The following FRY variants were observed in gnomAD, a reference collection of about 807,000 sequenced individuals.
FRY encodes the protein FRY microtubule binding protein, also known as protein furry homolog.
In FRY, 128 loss-of-function variants were observed where a neutral mutation model predicts 348.4. The ratio of observed to expected loss-of-function variants is 0.37; its 90% CI spans 0.32 to 0.43. FRY has a LOEUF of 0.43. FRY is among the 20% of genes least tolerant of loss of function. FRY has a pLI of 1.00. For synonymous variants in FRY, 1,370 were observed against 1,374.7 expected (o/e 1.00, Z 0.08); for missense variants, 2,736 against 3,695.2 (o/e 0.74, Z 6.73).
intron 53 of FRY, among the ~76,000 whole-genome samples, chr13:32,265,008 A>G (rs768946931): frequency 6.6e-6 from 1 of 152,336 alleles, no homozygotes; most frequent in Non-Finnish European, 1.5e-5. Context: ...GGTTTGGACA[A>G]TGGAAGGAGT....
intron 54 of FRY, among the ~76,000 whole-genome samples, chr13:32,266,065 A>G (rs1200717706): frequency 8.1e-6 from 1 of 123,392 alleles, no homozygotes; most frequent in African/African-American, 2.8e-5. Flanking sequence ...ATAGAAACAG[A>G]AAAAAAAAAT....
chr13:32,274,570 G>A (rs1888404143), intron 55 of FRY, among the ~76,000 whole-genome samples: 1 of 151,658 alleles, frequency 6.6e-6, no homozygotes, highest in South Asian at 2.1e-4. Flanking sequence ...CAGGCGTGGT[G>A]GCAGGCACCT....
At chr13:32,090,829 A>C (rs144083053) in intron 2 of FRY, among the ~76,000 whole-genome samples, 1,910 of 151,540 alleles carry the variant, frequency 0.013, 38 homozygotes, top group African/African-American at 0.044. Flanking sequence ...CAAATAATGG[A>C]TTTGTACTTA....
intron 11 of FRY, 141 bp downstream of exon 11, chr13:32,137,113 T>A: frequency 1.5e-6 from 1 of 667,732 alleles, no homozygotes; most frequent in East Asian, 2.7e-5. Flanking sequence ...AAAATATTAA[T>A]AAGAGTTCTT....
Position 32,173,582 on chromosome 13 carries a change from T to G in FRY, c.2334+33T>G, listed in dbSNP as rs759221602. 3 of 1,514,834 alleles carry G rather than the reference T, an allele frequency of 2.0e-6. No homozygotes were observed. The African/African-American group carries it at 4.2e-5, about 21-fold the overall frequency. 93.8% of individuals were successfully genotyped at this position (1,514,834 alleles called of 1,614,324 possible). A position where few individuals can be genotyped will look rare whatever the true frequency, so the allele number is the denominator to read the frequency against. On this transcript the variant is annotated intron_variant, in intron 19 of 60. Coordinates refer to ENST00000542859, the MANE Select transcript of FRY (RefSeq NM_023037.3). The stretch of plus-strand genomic sequence containing the variant: ...TTAGTCTTCTGAATTTTTCCATTTC[T>G]TACTTTCAACTCTTCTGAAATTTAG...
intron 25 of FRY, 89 bp from the exon 26 acceptor site, chr13:32,184,887 T>C (rs1882936907): frequency 1.7e-6 from 2 of 1,189,936 alleles, no homozygotes; most frequent in Admixed American, 3.4e-5. Flanking sequence ...AGTGTGTGAG[T>C]TGTGACAGTG....
chr13:32,273,265 A>C (rs1593834168), intron 55 of FRY, among the ~76,000 whole-genome samples: 1 of 132,220 alleles, frequency 7.6e-6, no homozygotes, highest in Non-Finnish European at 1.5e-5. Flanking sequence ...GCTGTCGCCC[A>C]GGCTGGAGTG....
chr13:32,239,291 T>G lies in FRY; in HGVS notation c.6458T>G (p.Ile2153Ser). Reference sequence around the variant, plus strand: ...GTCTTGTGTCTCCTGCCTCAGCTGATTCAGCATTTTGAAAATCCCAATCAG... The same window carrying G: ...GTCTTGTGTCTCCTGCCTCAGCTGAGTCAGCATTTTGAAAATCCCAATCAG... ...LNVLCLLPQL[I>S]QHFENPNQFC... is the part of the protein sequence containing the mutation. Residue 2153 changes from isoleucine (I) to serine (S), a missense_variant, in exon 45 of 61, where the codon ATT becomes AGT. Physicochemically the swap from Ile to Ser is moderately radical, Grantham distance 142. Coordinates refer to ENST00000542859, the MANE Select transcript of FRY (RefSeq NM_023037.3). This position sits in a 1 kb window ranked among gnomAD's most constrained non-coding sequence, Gnocchi z 4.3. The G allele has an allele frequency of 6.2e-7, 1 of 1,611,940 alleles. No individual in the cohort carries two copies. Among genetic ancestry groups the G allele is most frequent in the Non-Finnish European group, 8.5e-7 (1 of 1,178,006 alleles).
chr13:32,131,599 C>A, intron 7 of FRY, 73 bp from the exon 8 acceptor site: 1 of 1,004,470 alleles, frequency 1.0e-6, no homozygotes, highest in Non-Finnish European at 1.6e-6. Context: ...CAATCACTCC[C>A]AGATGCTGGA....
At chr13:32,218,709 A>G (rs761774462) in intron 35 of FRY, 40 bp from the exon 36 acceptor site, 1 of 1,023,686 alleles carries the variant, frequency 9.8e-7, no homozygotes, top group South Asian at 1.3e-5. Flanking sequence ...GCATATGCAC[A>G]CATGTTAATA....
rs184364912 is a variant in FRY at position 32,139,772 on chromosome 13, T to C, written c.1179+2800T>C. On this transcript the variant is annotated intron_variant, in intron 11 of 60. Transcript: ENST00000542859. ...GTCCGTGGTGACCAATACTTTTTTC[T>C]TCTATGTATTTTATGTCAGAATCTG... Among the ~76,000 whole-genome samples, 204 of 152,324 alleles carry C rather than the reference T, an allele frequency of 1.3e-3. 2 individuals are homozygous for C. The highest frequency in any genetic ancestry group is 2.0e-3 in the Non-Finnish European group (137 of 68,012).
chr13:32,116,684 C>G (rs1043402441), intron 3 of FRY, among the ~76,000 whole-genome samples: 7 of 151,876 alleles, frequency 4.6e-5, no homozygotes, highest in Non-Finnish European at 1.0e-4. Context: ...TTATAGTAAT[C>G]AGTTAAAAAA....
At chr13:32,139,378 C>A (rs188898095) in intron 11 of FRY, among the ~76,000 whole-genome samples, 65 of 152,332 alleles carry the variant, frequency 4.3e-4, no homozygotes, top group African/African-American at 1.4e-3. Context: ...GCCACAGATG[C>A]TTCAGGATAG....
intron 48 of FRY, among the ~76,000 whole-genome samples, chr13:32,248,484 A>G (rs1239642196): frequency 6.6e-6 from 1 of 152,086 alleles, no homozygotes; most frequent in Non-Finnish European, 1.5e-5. Context: ...CTACCTGTGT[A>G]AGAAACCTGC....
At chr13:32,219,424 G>A (rs1312801739) in intron 36 of FRY, among the ~76,000 whole-genome samples, 1 of 147,730 alleles carries the variant, frequency 6.8e-6, no homozygotes, top group Non-Finnish European at 1.5e-5. Context: ...TCTTGGTGAT[G>A]CAGCTGGGGA....
At chr13:32,236,993 G>T (rs1006026577) in intron 43 of FRY, among the ~76,000 whole-genome samples, 2 of 152,024 alleles carry the variant, frequency 1.3e-5, no homozygotes, top group African/African-American at 4.8e-5. Context: ...CTTCTTTCTG[G>T]ATAGCATAAT....
Position 32,294,556 on chromosome 13 carries a change from G to C in FRY, c.8769G>C (p.Gln2923His). The C allele has an allele frequency of 6.2e-7, 1 of 1,613,718 alleles. No individual in the cohort carries two copies. Reference protein sequence around the residue: ...KNNELGKALRQIRECRSLWPN... With the variant: ...KNNELGKALRHIRECRSLWPN... Reference sequence around the variant, plus strand: ...ACGAACTCGGCAAAGCTTTGCGGCAGATCAGGGAGTGCAGGTGACTCTGCT... The same window carrying C: ...ACGAACTCGGCAAAGCTTTGCGGCACATCAGGGAGTGCAGGTGACTCTGCT... The change falls in exon 60 of 61, where the codon CAG becomes CAC. Residue 2923 changes from glutamine to histidine, a missense_variant. Physicochemically the swap from Gln to His is conservative, Grantham distance 24. Around this residue, in one of 9 missense-constraint regions of FRY, gnomAD observed 157 missense variants for 215.2 expected, o/e 0.73. Transcript: ENST00000542859.
chr13:32,182,641 T>A (rs1472422483), intron 23 of FRY, among the ~76,000 whole-genome samples: 2 of 152,246 alleles, frequency 1.3e-5, no homozygotes, highest in Non-Finnish European at 2.9e-5. Context: ...AAATATTGTT[T>A]GTTTAATTGT....
chr13:32,179,563 C>G, intron 22 of FRY, 112 bp from the exon 23 acceptor site: 1 of 711,522 alleles, frequency 1.4e-6, no homozygotes, highest in African/African-American at 2.1e-5. Context: ...GATGGCAGTG[C>G]CTTGGGATAT....
Sources: allele counts gnomAD v4.1 joint callset (sites outside exome capture counted in the v4.1 genomes callset), GRCh38; gene constraint gnomAD v4.1.1; regional missense constraint gnomAD v4.1.1; non-coding constraint Gnocchi (gnomAD v3.1); transcripts MANE v1.5; gene names NCBI Gene and HGNC (gene_info 2026-07-23, HGNC 2026-07-21).